DPYSL2: variants seen among roughly 807,000 people sequenced by gnomAD.
The protein encoded by DPYSL2 is dihydropyrimidinase-related protein 2.
Under a neutral mutation model 69.9 loss-of-function variants are expected in DPYSL2, and 13 were observed. The ratio of observed to expected loss-of-function variants is 0.19; its 90% CI spans 0.12 to 0.30. The LOEUF (loss-of-function observed/expected upper bound fraction) is 0.30, where lower values mean the gene tolerates loss of function less well. Ranked by LOEUF, DPYSL2 falls within the 10% of genes least tolerant of loss-of-function variation. The pLI is 1.00. For missense variants in DPYSL2, 587 were observed against 918.9 expected (o/e 0.64, Z 4.67); for synonymous variants, 326 against 359.1 (o/e 0.91, Z 1.04).
chr8:26,624,781 C>T lies in DPYSL2; in HGVS notation c.793+474C>T, dbSNP rs1802579275. Among the ~76,000 whole-genome samples the T allele has an allele frequency of 6.6e-6, 1 of 152,086 alleles. No homozygotes were observed. Among genetic ancestry groups the T allele is most frequent in the South Asian group, 2.1e-4 (1 of 4,816 alleles). On this transcript the variant is annotated intron_variant, in intron 4 of 13. Transcript: ENST00000521913. The surrounding 1 kb of genome is among the most constrained non-coding windows in gnomAD (Gnocchi z 4.7). ...GAGACACTTCAAAACTGAGTGACAA[C>T]CTGAGAGGGCTTTTCCTTTCCCTAG...
In DPYSL2 at chr8:26,641,076, C is replaced by G. The variant is rs1204410277; in HGVS notation, c.1127-2363C>G. 1.3e-5 allele frequency among the ~76,000 whole-genome samples: 2 copies of G among 152,160 alleles called. No homozygotes were observed. Among genetic ancestry groups the G allele is most frequent in the Admixed American group, 1.3e-4 (2 of 15,280 alleles). On this transcript the variant is annotated intron_variant, in intron 8 of 13. Transcript: ENST00000521913. This position sits in a 1 kb window ranked among gnomAD's most constrained non-coding sequence, Gnocchi z 4.1. ...AAGCCTGTGGTCAGCAGCATTCATC[C>G]CCATGGTATTCAGGCCACTTTCCAA...
chr8:26,589,128 C>T (rs73678817), intron 3 of DPYSL2, among the ~76,000 whole-genome samples: 3,773 of 152,312 alleles, frequency 0.025, 149 homozygotes, highest in African/African-American at 0.085. Context: ...CCCTCCACGA[C>T]GCGGCCTATT....
intron 7 of DPYSL2, among the ~76,000 whole-genome samples, chr8:26,634,223 C>T (rs1217898238): frequency 6.6e-6 from 1 of 152,152 alleles, no homozygotes; most frequent in African/African-American, 2.4e-5. Context: ...GCTGATGTCA[C>T]AGGCTTGCTG....
At chr8:26,631,180 A>G (rs956786543) in intron 7 of DPYSL2, among the ~76,000 whole-genome samples, 1 of 152,228 alleles carries the variant, frequency 6.6e-6, no homozygotes, top group Non-Finnish European at 1.5e-5. Context: ...GGTTGCTTGT[A>G]TTCATCCATT....
chr8:26,636,477 C>T (rs1056653954), intron 8 of DPYSL2, among the ~76,000 whole-genome samples: 12 of 152,236 alleles, frequency 7.9e-5, no homozygotes, highest in Admixed American at 3.3e-4. Context: ...AACATTTCAA[C>T]GTAATTTTGG....
intron 3 of DPYSL2, among the ~76,000 whole-genome samples, chr8:26,584,274 G>A (rs1178559610): frequency 6.6e-6 from 1 of 152,182 alleles, no homozygotes. Flanking sequence ...ACCCTAGAAT[G>A]TGATTTGGTT....
chr8:26,577,987 CT>C lies in DPYSL2; in HGVS notation c.355-3981del, dbSNP rs1801396337. ...CCACCCCCTTCCCTCCTGTTTCTCT[CT>C]CTCCTTCTCTCTCTCTCTCTCTCTC... is the stretch of plus-strand genomic sequence containing the variant. On this transcript the variant is annotated intron_variant, in intron 1 of 13. Coordinates refer to ENST00000521913, the MANE Select transcript of DPYSL2 (RefSeq NM_001197293.3). 7 of 1,305,020 alleles carry C rather than the reference CT, an allele frequency of 5.4e-6. No homozygotes were observed. In the East Asian group the frequency reaches 1.0e-4, roughly 19 times the overall value. 80.8% of individuals were successfully genotyped at this position (1,305,020 alleles called of 1,614,324 possible).
At chr8:26,623,314 G>A (rs997736344) in intron 3 of DPYSL2, among the ~76,000 whole-genome samples, 4 of 152,224 alleles carry the variant, frequency 2.6e-5, no homozygotes, top group African/African-American at 9.6e-5. Flanking sequence ...ATCTTTATCT[G>A]AAGAGCAGGG....
rs1377403751 is a variant in DPYSL2, at chr8:26,610,241, G to A, written c.629-13902G>A. On this transcript the variant is annotated intron_variant, in intron 3 of 13. Transcript: ENST00000521913. The surrounding 1 kb of genome is among the most constrained non-coding windows in gnomAD (Gnocchi z 4.5). Reference sequence around the variant, plus strand: ...GTTTGTGTTATCTGCTCTGATAGGTGGTTTTACTTGCATTTGATTTTTGAT... The same window carrying A: ...GTTTGTGTTATCTGCTCTGATAGGTAGTTTTACTTGCATTTGATTTTTGAT... Among the ~76,000 whole-genome samples the A allele has an allele frequency of 6.6e-6, 1 of 152,130 alleles. No homozygotes were observed. The highest frequency in any genetic ancestry group is 6.5e-5 in the Admixed American group (1 of 15,276).
rs1803308490 is a variant in DPYSL2 at position 26,652,963 on chromosome 8, G to T, written c.1777-269G>T. 6.6e-6 allele frequency among the ~76,000 whole-genome samples: 1 copy of T among 152,206 alleles called. No homozygotes were observed. The highest frequency in any genetic ancestry group is 6.5e-5 in the Admixed American group (1 of 15,280). ...CCAGATCCGCCTCACAGCATGCTTA[G>T]GGGATTCTTACAGGGTTTAAAGTTG... On this transcript the variant is annotated intron_variant, in intron 12 of 13. Transcript: ENST00000521913. This position sits in a 1 kb window ranked among gnomAD's most constrained non-coding sequence, Gnocchi z 6.3.
In DPYSL2 at chr8:26,653,223, G is replaced by A. The variant is rs145483702; in HGVS notation, c.1777-9G>A. On this transcript the variant is annotated splice_polypyrimidine_tract_variant and intron_variant, in intron 12 of 13. Coordinates refer to ENST00000521913, the MANE Select transcript of DPYSL2 (RefSeq NM_001197293.3). The surrounding 1 kb of genome is among the most constrained non-coding windows in gnomAD (Gnocchi z 5.7). ...TGGCCTGAGCTGGGGGGACTCTTGT[G>A]TTTTGCAGCTGGCTGAGCTGAGAGG... 363 of 1,613,140 alleles carry A rather than the reference G, an allele frequency of 2.3e-4. 4 individuals are homozygous for A. The African/African-American group carries it at 3.9e-3, about 17-fold the overall frequency.
At position 26,642,749 on chromosome 8, in the gene DPYSL2, A is replaced by G. The variant is rs1803079266; in HGVS notation, c.1127-690A>G. Reference sequence around the variant, plus strand: ...AGTTGATGTTTGTCTTGGACATTGCATTAATATAGTTAGGCTAGGCTTCCA... The same window carrying G: ...AGTTGATGTTTGTCTTGGACATTGCGTTAATATAGTTAGGCTAGGCTTCCA... On this transcript the variant is annotated intron_variant, in intron 8 of 13. Coordinates refer to ENST00000521913, the MANE Select transcript of DPYSL2 (RefSeq NM_001197293.3). The surrounding 1 kb of genome is among the most constrained non-coding windows in gnomAD (Gnocchi z 5.3). The G allele has an allele frequency of 6.6e-6, 1 of 152,270 alleles. No homozygotes were observed. The highest frequency in any genetic ancestry group is 1.5e-5 in the Non-Finnish European group (1 of 68,078). 9.4% of individuals were successfully genotyped at this position (152,270 alleles called of 1,614,324 possible).
intron 3 of DPYSL2, among the ~76,000 whole-genome samples, chr8:26,616,456 A>T (rs1802350373): frequency 6.6e-6 from 1 of 152,114 alleles, no homozygotes; most frequent in African/African-American, 2.4e-5. Context: ...TGCCTCCCTG[A>T]TGGTTTGCTT....
intron 8 of DPYSL2, among the ~76,000 whole-genome samples, chr8:26,635,348 CTA>C (rs1802887164): frequency 6.6e-6 from 1 of 152,200 alleles, no homozygotes; most frequent in Admixed American, 6.5e-5. Flanking sequence ...GCCCCAGACA[CTA>C]TCACATCCAG....
At chr8:26,526,336 A>G (rs1808477209) in intron 1 of DPYSL2, among the ~76,000 whole-genome samples, 1 of 151,968 alleles carries the variant, frequency 6.6e-6, no homozygotes, top group Non-Finnish European at 1.5e-5. Context: ...CTCGTTATCC[A>G]CCCACCTTGG....
chr8:26,607,042 G>A (rs1205906710), intron 3 of DPYSL2, among the ~76,000 whole-genome samples: 3 of 152,132 alleles, frequency 2.0e-5, no homozygotes, highest in African/African-American at 7.2e-5. Context: ...TTGACCTAGA[G>A]TAATCTATAT....
At chr8:26,625,605 A>G (rs1802595453) in intron 4 of DPYSL2, among the ~76,000 whole-genome samples, 1 of 152,196 alleles carries the variant, frequency 6.6e-6, no homozygotes, top group African/African-American at 2.4e-5. Context: ...GAACTCCAAG[A>G]CGCCAGGATG....
chr8:26,567,756 C>T (rs1314689292), intron 1 of DPYSL2, among the ~76,000 whole-genome samples: 2 of 152,130 alleles, frequency 1.3e-5, no homozygotes, highest in East Asian at 1.9e-4. Context: ...GCAAACAGCC[C>T]GGCACGCACA....
intron 3 of DPYSL2, among the ~76,000 whole-genome samples, chr8:26,603,360 A>T (rs1802036288): frequency 6.6e-6 from 1 of 152,036 alleles, no homozygotes; most frequent in African/African-American, 2.4e-5. Context: ...TTTAGTAGAG[A>T]CGGGGTTTCA....
Sources: gnomAD v4.1 joint callset for allele counts (sites outside exome capture counted in the v4.1 genomes callset) on GRCh38, gnomAD v4.1.1 for gene constraint, Gnocchi (gnomAD v3.1) non-coding constraint, MANE v1.5 for transcripts, NCBI Gene and HGNC (gene_info 2026-07-23, HGNC 2026-07-21) for gene names.